The following REDIC1 variants were observed in gnomAD, a reference collection of about 807,000 sequenced individuals.
The protein encoded by REDIC1 is HEI10 Interacting Protein 1.
chr12:39,856,489 C>T, the REDIC1 span, among the ~76,000 whole-genome samples: 2 of 152,176 alleles, frequency 1.3e-5, no homozygotes, highest in African/African-American at 4.8e-5. Flanking sequence ...CTGCCTCAGC[C>T]TCCCTAGTAG....
At chr12:39,733,070 C>CACACAT in the REDIC1 span, among the ~76,000 whole-genome samples, 1 of 268 alleles carries the variant, frequency 3.7e-3, no homozygotes, top group African/African-American at 0.038. Flanking sequence ...CAGAAAAATG[C>CACACAT]ACACACACAC....
the REDIC1 span, among the ~76,000 whole-genome samples, chr12:39,690,556 T>C: frequency 6.6e-6 from 1 of 152,144 alleles, no homozygotes; most frequent in Admixed American, 6.5e-5. Context: ...GCAATTAACA[T>C]ATTGAATATG....
the REDIC1 span, among the ~76,000 whole-genome samples, chr12:39,877,743 C>A: frequency 1.3e-5 from 2 of 152,280 alleles, no homozygotes; most frequent in South Asian, 4.1e-4. Context: ...TGATGGGTTA[C>A]CACTATATTT....
chr12:39,769,762 CTCTCA>C, the REDIC1 span, among the ~76,000 whole-genome samples: 1 of 148,782 alleles, frequency 6.7e-6, no homozygotes, highest in East Asian at 1.9e-4. Flanking sequence ...TGTTCAACTC[CTCTCA>C]TATTACCACA....
the REDIC1 span, among the ~76,000 whole-genome samples, chr12:39,860,303 A>G: frequency 6.6e-6 from 1 of 152,234 alleles, no homozygotes; most frequent in Non-Finnish European, 1.5e-5. Flanking sequence ...TTATGATTCT[A>G]TGCTGGGATT....
the REDIC1 span, among the ~76,000 whole-genome samples, chr12:39,831,790 CACTATGT>C: frequency 1.3e-5 from 2 of 152,126 alleles, no homozygotes; most frequent in African/African-American, 4.8e-5. Flanking sequence ...CTCCCACTTT[CACTATGT>C]GAGGTGGCTG....
At chr12:39,723,593 ATAAAGCAGAG>A in the REDIC1 span, among the ~76,000 whole-genome samples, 1 of 152,168 alleles carries the variant, frequency 6.6e-6, no homozygotes, top group Non-Finnish European at 1.5e-5. Flanking sequence ...TTTAATGTTT[ATAAAGCAGAG>A]TAAATCCTAG....
the REDIC1 span, among the ~76,000 whole-genome samples, chr12:39,665,204 A>T: frequency 1.3e-5 from 2 of 152,112 alleles, no homozygotes; most frequent in Non-Finnish European, 2.9e-5. Context: ...TTATGGTTTT[A>T]GGTCTAACAT....
the REDIC1 span, among the ~76,000 whole-genome samples, chr12:39,674,429 G>A: frequency 9.9e-5 from 15 of 152,284 alleles, no homozygotes; most frequent in East Asian, 1.9e-4. Flanking sequence ...GGACAGAACA[G>A]CAGGTAGAGA....
the REDIC1 span, among the ~76,000 whole-genome samples, chr12:39,654,810 G>T: frequency 6.6e-6 from 1 of 152,092 alleles, no homozygotes; most frequent in South Asian, 2.1e-4. Context: ...GTGGAGGGTT[G>T]GTATTATTTC....
chr12:39,820,459 C>A, the REDIC1 span, among the ~76,000 whole-genome samples: 1 of 152,122 alleles, frequency 6.6e-6, no homozygotes, highest in South Asian at 2.1e-4. Flanking sequence ...ACAAACTACA[C>A]AAGTTGTAAA....
the REDIC1 span, among the ~76,000 whole-genome samples, chr12:39,892,917 GA>G: frequency 2.0e-5 from 3 of 151,656 alleles, no homozygotes; most frequent in Non-Finnish European, 4.4e-5. Context: ...TGTTAGCAAA[GA>G]AAAAAAGCAA....
the REDIC1 span, among the ~76,000 whole-genome samples, chr12:39,676,126 T>A: frequency 6.6e-6 from 1 of 151,834 alleles, no homozygotes; most frequent in African/African-American, 2.4e-5. Flanking sequence ...AGATAAAGAA[T>A]TCAGAAGGTT....
chr12:39,679,625 A>G, the REDIC1 span, among the ~76,000 whole-genome samples: 11 of 152,304 alleles, frequency 7.2e-5, no homozygotes, highest in East Asian at 2.1e-3. Flanking sequence ...ATCATTCTTC[A>G]CAGAACTAGA....
the REDIC1 span, among the ~76,000 whole-genome samples, chr12:39,832,215 CT>C: frequency 4.6e-5 from 7 of 152,136 alleles, no homozygotes; most frequent in Non-Finnish European, 8.8e-5. Context: ...GAGTGTCTGG[CT>C]TTGAGAACCA....
the REDIC1 span, among the ~76,000 whole-genome samples, chr12:39,770,757 A>G: frequency 6.6e-6 from 1 of 152,134 alleles, no homozygotes. Flanking sequence ...CTTACCCTAA[A>G]TTGGAATGGT....
the REDIC1 span, among the ~76,000 whole-genome samples, chr12:39,705,625 G>A: frequency 3.8e-3 from 579 of 152,182 alleles, 1 homozygote; most frequent in Non-Finnish European, 5.9e-3. Flanking sequence ...GACCAAGTGG[G>A]ATTTATCCCT....
At chr12:39,868,875 G>A in the REDIC1 span, among the ~76,000 whole-genome samples, 249 of 152,226 alleles carry the variant, frequency 1.6e-3, no homozygotes, top group African/African-American at 5.7e-3. Context: ...TTTGTATAAA[G>A]AGTTCCTTTG....
chr12:39,700,141 G>A, the REDIC1 span, among the ~76,000 whole-genome samples: 3 of 152,280 alleles, frequency 2.0e-5, no homozygotes, highest in South Asian at 6.2e-4. Context: ...AAATTACTCC[G>A]AGCTATGGGA....
Sources: gnomAD v4.1 joint callset for allele counts (sites outside exome capture counted in the v4.1 genomes callset) on GRCh38, gnomAD v4.1.1 for gene constraint, MANE v1.5 for transcripts, NCBI Gene and HGNC (gene_info 2026-07-23, HGNC 2026-07-21) for gene names.